Variants in COL4A2 observed in about 807,000 individuals in gnomAD.
COL4A2 encodes the protein collagen alpha-2(IV) chain.
In COL4A2, 99 loss-of-function variants were observed where a neutral mutation model predicts 200.2. The observed-to-expected ratio is 0.49, with a 90% CI of 0.42 to 0.58. The LOEUF (loss-of-function observed/expected upper bound fraction) is 0.58, where lower values mean the gene tolerates loss of function less well. COL4A2 is among the 20% of genes least tolerant of loss of function. The pLI is 0.00. For synonymous variants in COL4A2, 897 were observed against 900.6 expected, an observed-to-expected ratio of 1.00 and a Z score of 0.07; for missense variants, 1,950 against 2,314.1, an observed-to-expected ratio of 0.84 and a Z score of 3.23.
In COL4A2 at chr13:110,335,473, C is replaced by A. The variant is rs569873129; in HGVS notation, c.100-21999C>A. Among the ~76,000 whole-genome samples, 8 of 152,274 alleles carry A rather than the reference C, an allele frequency of 5.3e-5. No homozygotes were observed. In the East Asian group the frequency reaches 1.5e-3, roughly 29 times the overall value. On this transcript the variant is annotated intron_variant, in intron 3 of 47. Transcript: ENST00000360467. ...GTTATCACTCTCTCTTGTCTGCCAC[C>A]ATGTAAGACGTGCCTTTTGCCTTCT...
In COL4A2 at chr13:110,385,877, C is replaced by T. The variant is rs1421019477; in HGVS notation, c.180+28325C>T. ...CCGTGGTTGCAGCGTGTGGATGGGC[C>T]GTGGTTACAGCGTGTGGATAGGCCG... On this transcript the variant is annotated intron_variant, in intron 4 of 47. Coordinates refer to ENST00000360467, the MANE Select transcript of COL4A2 (RefSeq NM_001846.4). Among the ~76,000 whole-genome samples, 273 of 107,632 alleles carry T rather than the reference C, an allele frequency of 2.5e-3. 71 individuals are homozygous for T. Among genetic ancestry groups the T allele is most frequent in the East Asian group, 0.015 (40 of 2,714 alleles). The allele number at this position is 107,632 out of a possible 152,430, so 70.6% of individuals were successfully genotyped here. A position where few individuals can be genotyped will look rare whatever the true frequency, so the allele number is the denominator to read the frequency against.
intron 20 of COL4A2, among the ~76,000 whole-genome samples, chr13:110,455,627 C>T (rs1377278015): frequency 6.6e-5 from 10 of 152,224 alleles, no homozygotes; most frequent in African/African-American, 2.2e-4. Context: ...GCACCTCGCA[C>T]ACAGCCTGGC....
In COL4A2 at chr13:110,503,299, C is replaced by T. The variant is rs1883715748; in HGVS notation, c.4039+17C>T. 3 of 1,597,578 alleles carry T rather than the reference C, an allele frequency of 1.9e-6. No individual in the cohort carries two copies. The highest frequency in any genetic ancestry group is 8.5e-7 in the Non-Finnish European group (1 of 1,172,756). ...GAGAAAAAGGTAACAGTGCCCATGG[C>T]CATGGGCCAGCAGCCCTGGCCACAG... is the stretch of plus-strand genomic sequence containing the variant. On this transcript the variant is annotated intron_variant, in intron 42 of 47. Coordinates refer to ENST00000360467, the MANE Select transcript of COL4A2 (RefSeq NM_001846.4).
intron 3 of COL4A2, among the ~76,000 whole-genome samples, chr13:110,332,854 T>C: frequency 6.6e-6 from 1 of 152,200 alleles, no homozygotes; most frequent in East Asian, 1.9e-4. Flanking sequence ...TCAGCAATGG[T>C]GAAGCTCACT....
At chr13:110,429,135 A>G (rs1880582837) in intron 7 of COL4A2, 1 of 152,246 alleles carries the variant, frequency 6.6e-6, no homozygotes, top group African/African-American at 2.4e-5. Flanking sequence ...TTAGACTAAA[A>G]TTTTGTTTGG....
intron 4 of COL4A2, among the ~76,000 whole-genome samples, chr13:110,383,709 G>A (rs972237788): frequency 2.1e-5 from 3 of 145,196 alleles, no homozygotes; most frequent in Admixed American, 7.1e-5. Flanking sequence ...TCTACCTCCC[G>A]GGTTCAAGCG....
At chr13:110,368,890 T>G (rs1877876292) in intron 4 of COL4A2, among the ~76,000 whole-genome samples, 1 of 150,284 alleles carries the variant, frequency 6.7e-6, no homozygotes, top group African/African-American at 2.5e-5. Context: ...TTAGGATGTT[T>G]AATGTGAAAT....
At chr13:110,457,657 C>G (rs199551045) in intron 21 of COL4A2, 3 of 670,092 alleles carry the variant, frequency 4.5e-6, no homozygotes, top group East Asian at 6.0e-5. Flanking sequence ...CGTCCCTGCT[C>G]TCCATCTGCC....
chr13:110,475,943 C>A (rs1396749402), intron 29 of COL4A2, among the ~76,000 whole-genome samples: 1 of 152,252 alleles, frequency 6.6e-6, no homozygotes, highest in African/African-American at 2.4e-5. Context: ...CACCTCGGTG[C>A]CTGATTTTTG....
At position 110,485,636 on chromosome 13, in the gene COL4A2, C is replaced by T. The variant is rs1883094086; in HGVS notation, c.3026-19C>T. 3.8e-6 allele frequency: 6 copies of T among 1,584,642 alleles called. No individual in the cohort carries two copies. Among genetic ancestry groups the T allele is most frequent in the Non-Finnish European group, 5.1e-6 (6 of 1,167,292 alleles). ...GCTGCGTCCTCACCAGAGTGTTACA[C>T]ACCAGGGTCTTCCTGCAGGTATCCA... On this transcript the variant is annotated intron_variant, in intron 33 of 47. Coordinates refer to ENST00000360467, the MANE Select transcript of COL4A2 (RefSeq NM_001846.4).
chr13:110,511,745 AG>A (rs1366123028), intron 47 of COL4A2, among the ~76,000 whole-genome samples, 188 bp from the exon 48 acceptor site: 2 of 119,590 alleles, frequency 1.7e-5, no homozygotes, highest in Non-Finnish European at 1.8e-5. Flanking sequence ...TGCCTCCTGC[AG>A]GGGGCCCATG....
intron 3 of COL4A2, among the ~76,000 whole-genome samples, chr13:110,341,943 A>G (rs1876474384): frequency 6.6e-6 from 1 of 152,210 alleles, no homozygotes; most frequent in Non-Finnish European, 1.5e-5. Flanking sequence ...TGTTTGTAAT[A>G]TGATAAGAGC....
intron 45 of COL4A2, among the ~76,000 whole-genome samples, chr13:110,505,137 G>A (rs71449101): frequency 2.7e-5 from 4 of 150,724 alleles, no homozygotes; most frequent in Non-Finnish European, 4.4e-5. Flanking sequence ...GATCACAAGG[G>A]CAGGAGATCG....
rs1882274660 is a variant in COL4A2, at chr13:110,467,117, G to A, written c.2095+21G>A. The A allele has an allele frequency of 1.9e-6, 3 of 1,613,840 alleles. No homozygotes were observed. The African/African-American group carries it at 4.0e-5, about 22-fold the overall frequency. ...CACAGGTAATGCACGGAGGGAACCT[G>A]GAGTGCACCCAGCCTTCCTCCCACA... On this transcript the variant is annotated intron_variant, in intron 27 of 47. Transcript: ENST00000360467.
At chr13:110,317,393 T>TAC (rs140109373) in intron 3 of COL4A2, among the ~76,000 whole-genome samples, 14 of 151,822 alleles carry the variant, frequency 9.2e-5, no homozygotes, top group African/African-American at 2.7e-4. Context: ...CTCATGCGTG[T>TAC]ACACACACAC....
intron 27 of COL4A2, among the ~76,000 whole-genome samples, chr13:110,468,841 A>C (rs906314346): frequency 6.6e-6 from 1 of 152,182 alleles, no homozygotes; most frequent in African/African-American, 2.4e-5. Flanking sequence ...TGGCGTCCTC[A>C]TGAGGCAGGC....
chr13:110,416,611 G>C (rs1396629761), intron 4 of COL4A2, among the ~76,000 whole-genome samples: 1 of 152,238 alleles, frequency 6.6e-6, no homozygotes, highest in South Asian at 2.1e-4. Flanking sequence ...AGGAGCAGGG[G>C]TTTTCAGACA....
intron 4 of COL4A2, among the ~76,000 whole-genome samples, chr13:110,389,184 G>T (rs962200716): frequency 1.3e-5 from 2 of 152,180 alleles, no homozygotes; most frequent in African/African-American, 4.8e-5. Flanking sequence ...TGGTGGCAGC[G>T]CTGGCAGCAT....
chr13:110,474,518 G>T (rs1882601942), intron 29 of COL4A2, among the ~76,000 whole-genome samples: 1 of 152,048 alleles, frequency 6.6e-6, no homozygotes, highest in South Asian at 2.1e-4. Context: ...CACTGAGAGA[G>T]CAAGGAAGAG....
Sources: allele counts gnomAD v4.1 joint callset (sites outside exome capture counted in the v4.1 genomes callset), GRCh38; gene constraint gnomAD v4.1.1; transcripts MANE v1.5; gene names NCBI Gene and HGNC (gene_info 2026-07-23, HGNC 2026-07-21).